The following PSMC2 variants were observed in gnomAD, a reference collection of about 807,000 sequenced individuals.
PSMC2 encodes proteasome 26S subunit, ATPase 2.
In PSMC2, 7 loss-of-function variants were observed where a neutral mutation model predicts 53.3. The ratio of observed to expected loss-of-function variants is 0.13; its 90% CI spans 0.07 to 0.25. The LOEUF is 0.25. Ranked by LOEUF, PSMC2 falls within the 10% of genes least tolerant of loss-of-function variation. The pLI is 1.00. For missense variants in PSMC2, 241 were observed against 544.0 expected (o/e 0.44, Z 5.54); for synonymous variants, 169 against 183.9 (o/e 0.92, Z 0.66).
chr7:103,358,526 T>C (rs1820173046), intron 4 of PSMC2, among the ~76,000 whole-genome samples: 1 of 152,152 alleles, frequency 6.6e-6, no homozygotes, highest in Admixed American at 6.5e-5. Context: ...TTACTTTACT[T>C]TCTATGAGCT....
Position 103,362,749 on chromosome 7 carries a change from C to A in PSMC2, c.486C>A (p.Thr162=). The change falls in exon 6 of 12, where the codon ACC becomes ACA. Residue 162 remains threonine (T), a synonymous_variant. Coordinates refer to ENST00000292644, the MANE Select transcript of PSMC2 (RefSeq NM_002803.4). The stretch of plus-strand genomic sequence containing the variant: ...CTCCTAAGATTGACCCAACAGTTAC[C>A]ATGATGCAGGTAAGAAACTATGGGA... ...PLPPKIDPTV[T]MMQVEEKPDV... is the part of the protein sequence containing the mutation. 1 of 1,592,078 alleles carries A rather than the reference C, an allele frequency of 6.3e-7. No individual in the cohort carries two copies. The highest frequency in any genetic ancestry group is 8.6e-7 in the Non-Finnish European group (1 of 1,161,240).
chr7:103,356,674 A>G (rs1264708506), intron 4 of PSMC2, among the ~76,000 whole-genome samples: 1 of 152,196 alleles, frequency 6.6e-6, no homozygotes, highest in East Asian at 1.9e-4. Flanking sequence ...CAGTTCATAT[A>G]TTGTACATAT....
At chr7:103,348,676 A>T (rs778027565) in intron 1 of PSMC2, 38 of 1,589,276 alleles carry the variant, frequency 2.4e-5, no homozygotes, top group African/African-American at 4.0e-5. Flanking sequence ...CGTCTGTTCA[A>T]ACCGGCACGG....
Position 103,368,168 on chromosome 7 carries a change from T to TATC in PSMC2, c.*115_*117dup. ...CTTCAAAATTGTATGCTTTTTTCCA[T>TATC]ATCTCTTCTTGTAATATAATAAAAG... On this transcript the variant is annotated 3_prime_UTR_variant, in exon 12 of 12. Coordinates refer to ENST00000292644, the MANE Select transcript of PSMC2 (RefSeq NM_002803.4). 1 of 906,488 alleles carries TATC rather than the reference T, an allele frequency of 1.1e-6. No homozygotes were observed. 56.2% of individuals were successfully genotyped at this position (906,488 alleles called of 1,614,324 possible).
At chr7:103,364,366 A>G in intron 8 of PSMC2, 59 bp downstream of exon 8, 1 of 1,579,840 alleles carries the variant, frequency 6.3e-7, no homozygotes, top group Non-Finnish European at 8.6e-7. Flanking sequence ...GTATGAATGA[A>G]ATTAAAAATG....
intron 3 of PSMC2, 41 bp downstream of exon 3, chr7:103,354,990 ATG>A: frequency 7.9e-7 from 1 of 1,258,118 alleles, no homozygotes; most frequent in Middle Eastern, 1.9e-4. Flanking sequence ...TTTAAATGTA[ATG>A]TGTGAATAAT....
chr7:103,350,374 C>G (rs1044903775), intron 1 of PSMC2, among the ~76,000 whole-genome samples: 2 of 152,144 alleles, frequency 1.3e-5, no homozygotes, highest in African/African-American at 4.8e-5. Context: ...ATTTACTTCA[C>G]AGGTTTATAT....
rs148290642 is a variant in PSMC2 at position 103,360,974 on chromosome 7, C to T, written c.291-983C>T. Among the ~76,000 whole-genome samples, 442 of 152,038 alleles carry T rather than the reference C, an allele frequency of 2.9e-3. 1 individual carries two copies. The highest frequency in any genetic ancestry group is 9.8e-3 in the African/African-American group (408 of 41,476). ...TAAAAATACAAAACAATTAGCCGGG[C>T]GTGCTGGCGCATTCCTGTAATGCCA... On this transcript the variant is annotated intron_variant, in intron 4 of 11. Transcript: ENST00000292644.
At chr7:103,358,083 A>G (rs1820146897) in intron 4 of PSMC2, among the ~76,000 whole-genome samples, 1 of 152,128 alleles carries the variant, frequency 6.6e-6, no homozygotes, top group South Asian at 2.1e-4. Flanking sequence ...CTTCTTGGAA[A>G]AGGGTCAGTT....
rs1016950559 is a variant in PSMC2 at position 103,352,342 on chromosome 7, G to T, written c.71-1579G>T. On this transcript the variant is annotated intron_variant, in intron 1 of 11. Coordinates refer to ENST00000292644, the MANE Select transcript of PSMC2 (RefSeq NM_002803.4). ...TCTATAAAGTTGCTGTGAATGGTCA[G>T]TTGGGAAGTACTGAACATTTGATCC... 4.1e-5 allele frequency among the ~76,000 whole-genome samples: 6 copies of T among 147,602 alleles called. No individual in the cohort carries two copies. In the Admixed American group the frequency reaches 4.1e-4, roughly 10 times the overall value.
At chr7:103,355,007 A>G (rs1819951770) in intron 3 of PSMC2, 58 bp downstream of exon 3, 3 of 1,136,876 alleles carry the variant, frequency 2.6e-6, no homozygotes, top group Non-Finnish European at 3.9e-6. Context: ...AATAATATCA[A>G]GAGTTTAAAT....
chr7:103,365,673 T>C (rs1268321731), intron 8 of PSMC2, among the ~76,000 whole-genome samples: 3 of 151,970 alleles, frequency 2.0e-5, no homozygotes, highest in African/African-American at 7.3e-5. Context: ...CTCACGTCTG[T>C]AATCCCAGCA....
At chr7:103,363,228 T>C (rs1820516144) in intron 6 of PSMC2, 116 bp from the exon 7 acceptor site, 4 of 776,476 alleles carry the variant, frequency 5.2e-6, no homozygotes, top group Non-Finnish European at 8.4e-6. Flanking sequence ...ATTCAATTTT[T>C]ATTAAAATTC....
At chr7:103,350,692 C>T (rs1819709795) in intron 1 of PSMC2, among the ~76,000 whole-genome samples, 1 of 151,428 alleles carries the variant, frequency 6.6e-6, no homozygotes, top group Non-Finnish European at 1.5e-5. Flanking sequence ...GAGACAGGGT[C>T]TTGTTATGTT....
At chr7:103,358,760 G>GTTTC (rs1820188434) in intron 4 of PSMC2, among the ~76,000 whole-genome samples, 1 of 151,918 alleles carries the variant, frequency 6.6e-6, no homozygotes, top group African/African-American at 2.4e-5. Flanking sequence ...ATTTTTCTAG[G>GTTTC]CCGTATGAGG....
At chr7:103,353,409 C>T (rs1360123600) in intron 1 of PSMC2, among the ~76,000 whole-genome samples, 2 of 152,154 alleles carry the variant, frequency 1.3e-5, no homozygotes, top group Non-Finnish European at 2.9e-5. Flanking sequence ...TGGGTTCAAG[C>T]AATTCTCCAG....
In PSMC2 at chr7:103,355,683, T is replaced by C; in HGVS notation, c.191-11T>C. ...ACATTTTAGTAAATTTTGTCATCTTTCTCTATGTAGGTATTAAAGAATCTG... is the reference window on the plus strand; with the variant it reads ...ACATTTTAGTAAATTTTGTCATCTTCCTCTATGTAGGTATTAAAGAATCTG... On this transcript the variant is annotated splice_polypyrimidine_tract_variant and intron_variant, in intron 3 of 11. Transcript: ENST00000292644. 1 of 1,602,934 alleles carries C rather than the reference T, an allele frequency of 6.2e-7. No individual in the cohort carries two copies. Among genetic ancestry groups the C allele is most frequent in the South Asian group, 1.1e-5 (1 of 90,820 alleles).
At chr7:103,354,732 A>G in intron 2 of PSMC2, 136 bp from the exon 3 acceptor site, 1 of 607,120 alleles carries the variant, frequency 1.6e-6, no homozygotes, top group South Asian at 2.0e-5. Context: ...ATATTGGGTC[A>G]GGAATACCTC....
In PSMC2 at chr7:103,355,577, TG is replaced by T; in HGVS notation, c.191-116del. 1.5e-5 allele frequency: 11 copies of T among 746,634 alleles called. 1 individual carries two copies. In the South Asian group the frequency reaches 1.8e-4, roughly 12 times the overall value. The allele number at this position is 746,634 out of a possible 1,614,324, so 46.3% of individuals were successfully genotyped here. A position where few individuals can be genotyped will look rare whatever the true frequency, so the allele number is the denominator to read the frequency against. On this transcript the variant is annotated intron_variant, in intron 3 of 11. Transcript: ENST00000292644. ...GCTACTAAACAGTCTATAATGCACATGATAGTCCTCACAATGAATGATTCAG... is the reference window on the plus strand; with the variant it reads ...GCTACTAAACAGTCTATAATGCACATATAGTCCTCACAATGAATGATTCAG...
Sources: allele counts gnomAD v4.1 joint callset (sites outside exome capture counted in the v4.1 genomes callset), GRCh38; gene constraint gnomAD v4.1.1; transcripts MANE v1.5; gene names NCBI Gene and HGNC (gene_info 2026-07-23, HGNC 2026-07-21).